CADM2: variants seen among roughly 807,000 people sequenced by gnomAD.
The protein encoded by CADM2 is cell adhesion molecule 2.
A neutral mutation model predicts 49.8 loss-of-function variants in CADM2; 12 were observed. The observed-to-expected ratio is 0.24, with a 90% CI of 0.15 to 0.39. The LOEUF is 0.39. Among genes scored for constraint, CADM2 ranks in the 10% least tolerant of loss-of-function variants. The pLI is 1.00. For missense variants in CADM2, 378 were observed against 492.3 expected (o/e 0.77, Z 2.20); for synonymous variants, 214 against 175.4 (o/e 1.22, Z -1.74).
At chr3:85,618,944 G>A (rs893217357) in intron 1 of CADM2, among the ~76,000 whole-genome samples, 2 of 151,996 alleles carry the variant, frequency 1.3e-5, no homozygotes, top group Admixed American at 1.3e-4. Context: ...AGGAGGCTGA[G>A]GCAGGAGAAT....
chr3:86,039,804 C>G (rs963176748), intron 8 of CADM2, among the ~76,000 whole-genome samples: 4 of 150,416 alleles, frequency 2.7e-5, no homozygotes, highest in Non-Finnish European at 5.9e-5. Context: ...GTCCCTGACC[C>G]CTGAGTAGCC....
intron 3 of CADM2, among the ~76,000 whole-genome samples, chr3:85,830,502 T>G (rs2074135991): frequency 6.6e-6 from 1 of 152,018 alleles, no homozygotes; most frequent in Non-Finnish European, 1.5e-5. Context: ...TTCTTTCCTT[T>G]ACTGTGCAAA....
chr3:85,648,916 T>G (rs2064966267), intron 1 of CADM2, among the ~76,000 whole-genome samples: 2 of 152,082 alleles, frequency 1.3e-5, no homozygotes, highest in South Asian at 4.1e-4. Context: ...CTCCTTTTTT[T>G]TCCTCCCACA....
At chr3:85,551,528 A>C (rs1028380006) in intron 1 of CADM2, among the ~76,000 whole-genome samples, 1 of 152,074 alleles carries the variant, frequency 6.6e-6, no homozygotes, top group African/African-American at 2.4e-5. Flanking sequence ...CATTTCTTTA[A>C]AGTTCCAAGC....
chr3:85,735,517 C>T (rs1049321146), intron 2 of CADM2, among the ~76,000 whole-genome samples: 2 of 152,100 alleles, frequency 1.3e-5, no homozygotes, highest in African/African-American at 4.8e-5. Context: ...TGGGAAGTTT[C>T]AGCAGAAGAG....
At chr3:85,803,500 A>AATAG (rs3044105) in intron 3 of CADM2, among the ~76,000 whole-genome samples, 28,122 of 149,344 alleles carry the variant, frequency 0.19, 3,116 homozygotes, top group African/African-American at 0.29. Context: ...TAGATAGATA[A>AATAG]ATAGATAGAT....
intron 1 of CADM2, among the ~76,000 whole-genome samples, chr3:85,104,628 G>A (rs139847141): frequency 0.049 from 7,476 of 152,156 alleles, 493 homozygotes; most frequent in African/African-American, 0.15. Context: ...TAGCTTGATA[G>A]GAATGGCATT....
At chr3:85,456,690 C>T (rs529233419) in intron 1 of CADM2, among the ~76,000 whole-genome samples, 1 of 152,124 alleles carries the variant, frequency 6.6e-6, no homozygotes, top group African/African-American at 2.4e-5. Flanking sequence ...TTTCAGATGA[C>T]ACCCTCTATG....
chr3:85,731,079 A>G (rs1231339930), intron 2 of CADM2, among the ~76,000 whole-genome samples: 1 of 152,160 alleles, frequency 6.6e-6, no homozygotes, highest in Admixed American at 6.6e-5. Flanking sequence ...ATAGTCATAC[A>G]TAATATTATC....
At chr3:85,033,056 A>T (rs1041562290) in intron 1 of CADM2, among the ~76,000 whole-genome samples, 6 of 152,282 alleles carry the variant, frequency 3.9e-5, no homozygotes, top group Non-Finnish European at 7.4e-5. Flanking sequence ...AAAATTACAG[A>T]TAAAAAAACA....
intron 1 of CADM2, among the ~76,000 whole-genome samples, chr3:85,309,626 T>C (rs2044295755): frequency 6.6e-6 from 1 of 152,204 alleles, no homozygotes; most frequent in African/African-American, 2.4e-5. Flanking sequence ...TTTCTAACAA[T>C]GTACAACACT....
intron 1 of CADM2, among the ~76,000 whole-genome samples, chr3:85,175,760 A>G (rs996301236): frequency 1.3e-5 from 2 of 152,036 alleles, no homozygotes; most frequent in African/African-American, 4.8e-5. Flanking sequence ...TTATATATAT[A>G]TTTTACCACA....
At chr3:85,609,964 C>T (rs563676415) in intron 1 of CADM2, among the ~76,000 whole-genome samples, 68 of 151,894 alleles carry the variant, frequency 4.5e-4, no homozygotes, top group Middle Eastern at 3.4e-3. Flanking sequence ...TTAAACTCCA[C>T]GATAGAACTG....
At chr3:86,039,661 G>A (rs1381313323) in intron 8 of CADM2, among the ~76,000 whole-genome samples, 1 of 152,194 alleles carries the variant, frequency 6.6e-6, no homozygotes, top group African/African-American at 2.4e-5. Context: ...CTGGGGGGAG[G>A]GCATAGCCAA....
In CADM2 at chr3:85,873,596, G is replaced by A. The variant is rs150494114; in HGVS notation, c.239-9695G>A. 3.8e-3 allele frequency among the ~76,000 whole-genome samples: 576 copies of A among 152,278 alleles called. 2 individuals carry two copies. The highest frequency in any genetic ancestry group is 0.013 in the African/African-American group (525 of 41,562). On this transcript the variant is annotated intron_variant, in intron 3 of 9. Transcript: ENST00000383699. ...CAGGAGAATCGCTGGAACCAGGGAG[G>A]CAGAGGTTGCAGTGGGCTGAGATTG...
chr3:85,328,975 G>A (rs1355783544), intron 1 of CADM2, among the ~76,000 whole-genome samples: 3 of 151,704 alleles, frequency 2.0e-5, no homozygotes, highest in Non-Finnish European at 2.9e-5. Flanking sequence ...TTGAATATAG[G>A]CTCTTTATAA....
rs988489001 is a variant in CADM2, at chr3:85,978,910, A to G, written c.970+17263A>G. Among the ~76,000 whole-genome samples, 30 of 151,324 alleles carry G rather than the reference A, an allele frequency of 2.0e-4. 1 individual carries two copies. The highest frequency in any genetic ancestry group is 5.4e-4 in the African/African-American group (22 of 41,110). On this transcript the variant is annotated intron_variant, in intron 8 of 9. Coordinates refer to ENST00000383699, the MANE Select transcript of CADM2 (RefSeq NM_001167675.2). ...TGAACAAATGAATTCTTGTCATTTT[A>G]CATTTTACTCTAAATATTGAAAATA...
intron 1 of CADM2, among the ~76,000 whole-genome samples, chr3:85,066,333 G>T (rs960817842): frequency 1.3e-5 from 2 of 151,144 alleles, no homozygotes; most frequent in Non-Finnish European, 2.9e-5. Context: ...ATGGTGGGTG[G>T]ACCAATACTG....
chr3:85,910,932 C>G (rs1343281704), intron 5 of CADM2, among the ~76,000 whole-genome samples: 1 of 151,946 alleles, frequency 6.6e-6, no homozygotes, highest in Non-Finnish European at 1.5e-5. Flanking sequence ...GTCTATTAAT[C>G]AAATGTTACA....
Sources: gnomAD v4.1 joint callset for allele counts (sites outside exome capture counted in the v4.1 genomes callset) on GRCh38, gnomAD v4.1.1 for gene constraint, MANE v1.5 for transcripts, NCBI Gene and HGNC (gene_info 2026-07-23, HGNC 2026-07-21) for gene names.